Variants in RAD51B observed in about 807,000 individuals in gnomAD.
RAD51B encodes the protein DNA repair protein RAD51 homolog 2.
RAD51B carries 38 observed loss-of-function variants against 42.2 expected under a neutral mutation model. The observed-to-expected ratio is 0.90, with a 90% CI of 0.70 to 1.18. The LOEUF (loss-of-function observed/expected upper bound fraction) is 1.18, where lower values mean the gene tolerates loss of function less well. Among genes scored for constraint, RAD51B ranks in the 50% most tolerant of loss-of-function variants. The pLI, the probability that RAD51B is intolerant of heterozygous loss-of-function variation, is 0.00. For missense variants in RAD51B, 373 were observed against 400.7 expected, an observed-to-expected ratio of 0.93 and a Z score of 0.59; for synonymous variants, 154 against 145.2, an observed-to-expected ratio of 1.06 and a Z score of -0.43.
At chr14:68,022,820 A>AGTGG (rs993110945) in intron 7 of RAD51B, among the ~76,000 whole-genome samples, 23 of 152,166 alleles carry the variant, frequency 1.5e-4, no homozygotes, top group African/African-American at 5.1e-4. Flanking sequence ...TCCACCCTCA[A>AGTGG]GTGGGCTCTA....
chr14:68,027,502 C>A (rs893989865), intron 7 of RAD51B, among the ~76,000 whole-genome samples: 1 of 151,860 alleles, frequency 6.6e-6, no homozygotes, highest in Admixed American at 6.6e-5. Context: ...TCTTTACATG[C>A]GCTCATATTT....
chr14:68,615,499 C>T (rs1005759874), downstream of RAD51B, among the ~76,000 whole-genome samples: 1 of 152,154 alleles, frequency 6.6e-6, no homozygotes, highest in Non-Finnish European at 1.5e-5. Context: ...GCGTCCACCA[C>T]AACGCCCAGC....
chr14:68,062,345 C>A (rs114990967), intron 7 of RAD51B, among the ~76,000 whole-genome samples: 10 of 152,120 alleles, frequency 6.6e-5, no homozygotes, highest in African/African-American at 2.4e-4. Flanking sequence ...GACTATTGGC[C>A]TGTAGTTTTC....
At chr14:68,000,992 GTTTA>G (rs2075472017) in intron 7 of RAD51B, among the ~76,000 whole-genome samples, 1 of 151,962 alleles carries the variant, frequency 6.6e-6, no homozygotes, top group Admixed American at 6.6e-5. Flanking sequence ...TATGAAAATG[GTTTA>G]TTTCTCTATT....
At chr14:68,520,761 C>T (rs527821299) in intron 10 of RAD51B, among the ~76,000 whole-genome samples, 11 of 152,302 alleles carry the variant, frequency 7.2e-5, no homozygotes, top group African/African-American at 2.4e-4. Context: ...GACAAACCAC[C>T]TGGTCTCATT....
intron 10 of RAD51B, among the ~76,000 whole-genome samples, chr14:68,536,198 T>G (rs1173592084): frequency 6.6e-6 from 1 of 152,192 alleles, no homozygotes; most frequent in Non-Finnish European, 1.5e-5. Flanking sequence ...AGGGAGCATC[T>G]GATTGGCCCA....
At chr14:68,615,023 C>A (rs28854528), downstream of RAD51B, among the ~76,000 whole-genome samples, 5,046 of 152,244 alleles carry the variant, frequency 0.033, 255 homozygotes, top group African/African-American at 0.11. Context: ...CAGCTGCATG[C>A]CACCAGGCCC....
chr14:68,229,882 T>C (rs1031511709), intron 7 of RAD51B, among the ~76,000 whole-genome samples: 1 of 152,218 alleles, frequency 6.6e-6, no homozygotes, highest in African/African-American at 2.4e-5. Flanking sequence ...CTTTGTGCCC[T>C]ATCTTGCCCT....
At chr14:68,564,002 C>A (rs909900487) in intron 10 of RAD51B, 1 of 903,092 alleles carries the variant, frequency 1.1e-6, no homozygotes, top group Non-Finnish European at 1.3e-6. Context: ...CCAAAGATCA[C>A]TTTCCCAAAC....
intron 4 of RAD51B, chr14:67,864,752 G>A (rs986791511): frequency 1.6e-6 from 1 of 610,550 alleles, no homozygotes; most frequent in African/African-American, 1.8e-5. Context: ...AAATACAGTG[G>A]ATGATTTGAG....
chr14:68,128,370 C>T (rs1486104527), intron 7 of RAD51B, among the ~76,000 whole-genome samples: 3 of 152,124 alleles, frequency 2.0e-5, no homozygotes, highest in African/African-American at 7.2e-5. Flanking sequence ...ATTTTCAGGT[C>T]AAACCTGACA....
intron 5 of RAD51B, among the ~76,000 whole-genome samples, chr14:67,874,066 T>C (rs1206864619): frequency 6.6e-6 from 1 of 151,848 alleles, no homozygotes; most frequent in Non-Finnish European, 1.5e-5. Flanking sequence ...TGTGCACATA[T>C]ACCCTAAAAC....
chr14:67,820,161 T>G (rs2040577406), intron 1 of RAD51B, among the ~76,000 whole-genome samples: 1 of 152,186 alleles, frequency 6.6e-6, no homozygotes, highest in South Asian at 2.1e-4. Flanking sequence ...CCTTCCCGCT[T>G]CGGGCAGCCT....
chr14:68,341,960 G>A (rs1205607194), intron 8 of RAD51B, among the ~76,000 whole-genome samples: 1 of 152,094 alleles, frequency 6.6e-6, no homozygotes. Flanking sequence ...TAATGGAAAG[G>A]AAATGATGGC....
intron 3 of RAD51B, among the ~76,000 whole-genome samples, chr14:67,834,753 T>G (rs533383966): frequency 1.3e-5 from 2 of 152,310 alleles, no homozygotes; most frequent in South Asian, 4.1e-4. Context: ...TTCCATTAAG[T>G]TTCCAAAATC....
chr14:67,943,668 A>G (rs930696291), intron 7 of RAD51B, among the ~76,000 whole-genome samples: 2 of 152,126 alleles, frequency 1.3e-5, no homozygotes, highest in Non-Finnish European at 2.9e-5. Flanking sequence ...TTTTATTTGC[A>G]TGGTGGCATA....
chr14:67,847,326 C>CTTTTTTTT (rs60032578), intron 4 of RAD51B, among the ~76,000 whole-genome samples: 37 of 105,620 alleles, frequency 3.5e-4, no homozygotes, highest in South Asian at 6.3e-4. Flanking sequence ...TTGGTTTGTT[C>CTTTTTTTT]TTTTTTTTTT....
intron 7 of RAD51B, among the ~76,000 whole-genome samples, chr14:68,251,664 C>G (rs988821198): frequency 6.6e-6 from 1 of 152,192 alleles, no homozygotes; most frequent in African/African-American, 2.4e-5. Flanking sequence ...GGTCCATTAT[C>G]TTTGCTCGGC....
chr14:67,864,472 T>C (rs891401115), intron 4 of RAD51B, among the ~76,000 whole-genome samples: 4 of 152,196 alleles, frequency 2.6e-5, no homozygotes, highest in African/African-American at 9.6e-5. Context: ...TGCTGAACTG[T>C]TTGAAAATAA....
Sources: allele counts gnomAD v4.1 joint callset (sites outside exome capture counted in the v4.1 genomes callset), GRCh38; gene constraint gnomAD v4.1.1; transcripts MANE v1.5; gene names NCBI Gene and HGNC (gene_info 2026-07-23, HGNC 2026-07-21).